FTO: variants seen among roughly 807,000 people sequenced by gnomAD.
The protein encoded by FTO is alpha-ketoglutarate-dependent dioxygenase FTO.
FTO carries 47 observed loss-of-function variants against 63.9 expected under a neutral mutation model. The observed-to-expected ratio is 0.74, with a 90% CI of 0.58 to 0.94. FTO has a LOEUF of 0.94. Ranked by LOEUF, FTO falls within the 40% of genes least tolerant of loss-of-function variation. The pLI is 0.00. For missense variants in FTO, 562 were observed against 618.1 expected (o/e 0.91, Z 0.96); for synonymous variants, 207 against 224.4 (o/e 0.92, Z 0.69).
intron 8 of FTO, among the ~76,000 whole-genome samples, chr16:53,990,233 A>T (rs2083776090): frequency 6.6e-6 from 1 of 152,188 alleles, no homozygotes; most frequent in Non-Finnish European, 1.5e-5. Context: ...TAGCATGCAT[A>T]GCACAGTGCC....
chr16:53,862,115 G>A lies in FTO; in HGVS notation c.896-11671G>A, dbSNP rs370786593. On this transcript the variant is annotated intron_variant, in intron 4 of 8. Transcript: ENST00000471389. ...ATACAACAATTAGCCAGGTGTGATG[G>A]CACATGCCTGTAATCCCAGCTACTC... Among the ~76,000 whole-genome samples the A allele has an allele frequency of 9.9e-5, 15 of 152,238 alleles. 1 individual carries two copies. The highest frequency in any genetic ancestry group is 8.3e-4 in the South Asian group (4 of 4,822).
chr16:54,039,350 A>G (rs1567533228), intron 8 of FTO: 1 of 152,228 alleles, frequency 6.6e-6, no homozygotes, highest in Non-Finnish European at 1.5e-5. Context: ...TTCAGAGTGG[A>G]TATAGAGGGG....
chr16:53,871,921 T>A (rs2080509702), intron 4 of FTO, among the ~76,000 whole-genome samples: 1 of 152,106 alleles, frequency 6.6e-6, no homozygotes, highest in Admixed American at 6.5e-5. Context: ...GAGACAGGGT[T>A]TCACCATGTT....
intron 6 of FTO, among the ~76,000 whole-genome samples, chr16:53,883,570 C>T (rs892965618): frequency 7.5e-5 from 10 of 133,214 alleles, no homozygotes; most frequent in South Asian, 4.7e-4. Flanking sequence ...TGCAGTGAGC[C>T]GAGATTGTGC....
chr16:53,941,162 C>G (rs988439041), intron 8 of FTO, among the ~76,000 whole-genome samples: 1 of 152,210 alleles, frequency 6.6e-6, no homozygotes, highest in Non-Finnish European at 1.5e-5. Flanking sequence ...ACCGACAAGT[C>G]GGCACCGTCC....
chr16:54,104,347 CTG>C (rs1453075490), intron 8 of FTO, among the ~76,000 whole-genome samples: 3 of 142,520 alleles, frequency 2.1e-5, no homozygotes, highest in Non-Finnish European at 4.5e-5. Flanking sequence ...GAGTTTCACT[CTG>C]TCACCTAGGC....
intron 1 of FTO, among the ~76,000 whole-genome samples, chr16:53,777,019 C>A (rs2077475332): frequency 6.6e-6 from 1 of 152,168 alleles, no homozygotes; most frequent in Non-Finnish European, 1.5e-5. Context: ...ATGATTAAAT[C>A]AAGCTAATTA....
intron 1 of FTO, among the ~76,000 whole-genome samples, chr16:53,729,160 G>A (rs2076215115): frequency 6.6e-6 from 1 of 152,070 alleles, no homozygotes; most frequent in Admixed American, 6.5e-5. Flanking sequence ...GGCCACTGCT[G>A]TGTTCAGCCC....
chr16:54,019,393 C>A (rs2084534722), intron 8 of FTO, among the ~76,000 whole-genome samples: 1 of 152,166 alleles, frequency 6.6e-6, no homozygotes, highest in Admixed American at 6.5e-5. Flanking sequence ...CTCCCATAGG[C>A]ATCATGATTT....
intron 8 of FTO, among the ~76,000 whole-genome samples, chr16:53,947,332 A>G (rs1040104585): frequency 6.6e-6 from 1 of 152,136 alleles, no homozygotes; most frequent in African/African-American, 2.4e-5. Context: ...ACTTTACAGA[A>G]ACTTGTTGTA....
At chr16:53,918,340 T>A (rs1365167919) in intron 7 of FTO, among the ~76,000 whole-genome samples, 1 of 152,208 alleles carries the variant, frequency 6.6e-6, no homozygotes, top group East Asian at 1.9e-4. Context: ...CTGTACAGCA[T>A]GTTACTGTAC....
At chr16:53,857,494 A>C (rs979521647) in intron 4 of FTO, among the ~76,000 whole-genome samples, 3 of 150,198 alleles carry the variant, frequency 2.0e-5, no homozygotes, top group African/African-American at 7.4e-5. Context: ...GAAGTCCTGG[A>C]TTCTGGGGCT....
At chr16:53,953,113 A>G (rs1311555662) in intron 8 of FTO, among the ~76,000 whole-genome samples, 1 of 152,214 alleles carries the variant, frequency 6.6e-6, no homozygotes, top group Admixed American at 6.5e-5. Flanking sequence ...AAAGAGGAAA[A>G]CTGCAGAACA....
chr16:54,052,921 C>T (rs144910065), intron 8 of FTO, among the ~76,000 whole-genome samples: 6 of 152,130 alleles, frequency 3.9e-5, no homozygotes, highest in Admixed American at 6.5e-5. Flanking sequence ...AGGCTGGTCT[C>T]GAACTCTTGA....
chr16:53,759,172 A>G (rs189069767), intron 1 of FTO, among the ~76,000 whole-genome samples: 42 of 152,368 alleles, frequency 2.8e-4, no homozygotes, highest in Admixed American at 2.7e-3. Flanking sequence ...TCATTTAGAA[A>G]GCAAGAAAGA....
rs2086938090 is a variant in FTO, at chr16:54,113,643, G to C, written c.*1728G>C. The C allele has an allele frequency of 6.6e-6, 1 of 152,146 alleles. No homozygotes were observed. The highest frequency in any genetic ancestry group is 2.4e-5 in the African/African-American group (1 of 41,414). 9.4% of individuals were successfully genotyped at this position (152,146 alleles called of 1,614,324 possible). ...ATAAATGAAATAACATAGACCAGGA[G>C]GGCGTGGTGTTTAAAAGTCACAGAT... On this transcript the variant is annotated 3_prime_UTR_variant, in exon 9 of 9. Transcript: ENST00000471389.
chr16:53,784,524 C>A (rs1172255495), intron 1 of FTO, among the ~76,000 whole-genome samples: 1 of 152,116 alleles, frequency 6.6e-6, no homozygotes, highest in East Asian at 1.9e-4. Flanking sequence ...GCTCAGCAGA[C>A]CTGAAAATAG....
intron 8 of FTO, among the ~76,000 whole-genome samples, chr16:53,983,157 T>C (rs559238046): frequency 1.3e-5 from 2 of 152,216 alleles, no homozygotes; most frequent in African/African-American, 2.4e-5. Flanking sequence ...AAAAAATATA[T>C]CATGAAGAAT....
At chr16:53,815,928 T>C (rs999389063) in intron 2 of FTO, among the ~76,000 whole-genome samples, 10 of 151,998 alleles carry the variant, frequency 6.6e-5, no homozygotes, top group Non-Finnish European at 1.5e-4. Flanking sequence ...GGATTACAGG[T>C]GTGAGCCACT....
Sources: allele counts gnomAD v4.1 joint callset (sites outside exome capture counted in the v4.1 genomes callset), GRCh38; gene constraint gnomAD v4.1.1; transcripts MANE v1.5; gene names NCBI Gene and HGNC (gene_info 2026-07-23, HGNC 2026-07-21).